The following SHISA6 variants were observed in gnomAD, a reference collection of about 807,000 sequenced individuals.
SHISA6 encodes the protein shisa family member 6.
A neutral mutation model predicts 47.9 loss-of-function variants in SHISA6; 22 were observed. The observed-to-expected ratio is 0.46, with a 90% CI of 0.33 to 0.66. The LOEUF (loss-of-function observed/expected upper bound fraction) is 0.66. Among genes scored for constraint, SHISA6 ranks in the 30% least tolerant of loss-of-function variants. SHISA6 has a pLI of 0.02. For synonymous variants in SHISA6, 388 were observed against 337.8 expected, an observed-to-expected ratio of 1.15 and a Z score of -1.63; for missense variants, 680 against 764.6, an observed-to-expected ratio of 0.89 and a Z score of 1.30.
At chr17:11,359,510 G>T (rs991811951) in intron 2 of SHISA6, among the ~76,000 whole-genome samples, 4 of 152,064 alleles carry the variant, frequency 2.6e-5, no homozygotes, top group Admixed American at 1.3e-4. Flanking sequence ...TCTTCTCTCT[G>T]GACCAGGTTT....
intron 3 of SHISA6, among the ~76,000 whole-genome samples, chr17:11,405,111 C>T (rs113165293): frequency 5.9e-5 from 9 of 152,288 alleles, no homozygotes; most frequent in African/African-American, 1.7e-4. Context: ...AGGCCCTATC[C>T]AAGACTTCCT....
intron 3 of SHISA6, among the ~76,000 whole-genome samples, chr17:11,392,145 C>T (rs1479203381): frequency 6.6e-6 from 1 of 152,182 alleles, no homozygotes; most frequent in East Asian, 1.9e-4. Context: ...CTCTTGTTCT[C>T]TTCATCTGCT....
chr17:11,553,199 G>A (rs2071946050), intron 4 of SHISA6, among the ~76,000 whole-genome samples: 1 of 152,204 alleles, frequency 6.6e-6, no homozygotes, highest in Admixed American at 6.5e-5. Flanking sequence ...GAAGGTTAGA[G>A]CTGAAGATGT....
Position 11,334,479 on chromosome 17 carries a change from A to G in SHISA6, c.800-44935A>G, listed in dbSNP as rs192707854. ...TCATGAACTTGGGCATGCAGGGAGCAGGGCCCCTAACAGGATACTGGTGGC... is the reference window on the plus strand; with the variant it reads ...TCATGAACTTGGGCATGCAGGGAGCGGGGCCCCTAACAGGATACTGGTGGC... On this transcript the variant is annotated intron_variant, in intron 2 of 5. Transcript: ENST00000441885. 2.0e-5 allele frequency among the ~76,000 whole-genome samples: 3 copies of G among 152,292 alleles called. No individual in the cohort carries two copies. The East Asian group carries it at 5.8e-4, about 29-fold the overall frequency.
intron 1 of SHISA6, among the ~76,000 whole-genome samples, chr17:11,255,320 G>GA (rs1358499466): frequency 6.6e-6 from 1 of 151,956 alleles, no homozygotes; most frequent in Non-Finnish European, 1.5e-5. Flanking sequence ...AGAAGGAAGA[G>GA]AAAAATGAAG....
At chr17:11,388,409 C>T (rs886204368) in intron 3 of SHISA6, among the ~76,000 whole-genome samples, 1 of 152,180 alleles carries the variant, frequency 6.6e-6, no homozygotes, top group Non-Finnish European at 1.5e-5. Flanking sequence ...CAGAGAGGAA[C>T]TCTCGGGTTC....
At chr17:11,529,441 A>G (rs1320729066) in intron 3 of SHISA6, among the ~76,000 whole-genome samples, 3 of 152,180 alleles carry the variant, frequency 2.0e-5, no homozygotes, top group Non-Finnish European at 4.4e-5. Flanking sequence ...ACCAATATGT[A>G]TTATTTTATA....
Position 11,241,374 on chromosome 17 carries a change from G to A in SHISA6, c.-49G>A. On this transcript the variant is annotated 5_prime_UTR_variant, in exon 1 of 6. Transcript: ENST00000441885. The surrounding 1 kb of genome is among the most constrained non-coding windows in gnomAD (Gnocchi z 5.5). The stretch of plus-strand genomic sequence containing the variant: ...GTCCTCCGAGCCCGGCCCGCCGGGG[G>A]AGCGGCCTGCCGCGGAAGCCTCCCC... 1 of 1,027,168 alleles carries A rather than the reference G, an allele frequency of 9.7e-7. No individual in the cohort carries two copies. 63.6% of individuals were successfully genotyped at this position (1,027,168 alleles called of 1,614,324 possible).
Position 11,341,760 on chromosome 17 carries a change from G to A in SHISA6, c.800-37654G>A, listed in dbSNP as rs569938613. ...GCAGGGTGCTCTTGCCCACCACCCT[G>A]CCAACACCAAGCTCATTTTTCTCCT... On this transcript the variant is annotated intron_variant, in intron 2 of 5. Transcript: ENST00000441885. Among the ~76,000 whole-genome samples the A allele has an allele frequency of 8.5e-5, 13 of 152,200 alleles. No homozygotes were observed. The East Asian group carries it at 2.3e-3, about 27-fold the overall frequency.
chr17:11,326,659 G>A (rs144233939), intron 2 of SHISA6, among the ~76,000 whole-genome samples: 3 of 152,338 alleles, frequency 2.0e-5, no homozygotes, highest in Non-Finnish European at 4.4e-5. Flanking sequence ...GTGCTCAGAG[G>A]ACATTTCAGC....
At chr17:11,259,467 A>T (rs960250071) in intron 1 of SHISA6, among the ~76,000 whole-genome samples, 1 of 152,220 alleles carries the variant, frequency 6.6e-6, no homozygotes, top group African/African-American at 2.4e-5. Context: ...AGCAGACAAG[A>T]CTGTGAGGCA....
chr17:11,551,277 G>A (rs917199041), intron 3 of SHISA6, among the ~76,000 whole-genome samples: 1 of 152,102 alleles, frequency 6.6e-6, no homozygotes, highest in Non-Finnish European at 1.5e-5. Context: ...CCATCTAAGT[G>A]GAATATTATT....
At chr17:11,505,691 T>G (rs1377428842) in intron 3 of SHISA6, among the ~76,000 whole-genome samples, 1 of 152,226 alleles carries the variant, frequency 6.6e-6, no homozygotes, top group African/African-American at 2.4e-5. Context: ...CATGGCTATC[T>G]CACTTTTATA....
chr17:11,512,726 C>T (rs1022562286), intron 3 of SHISA6, among the ~76,000 whole-genome samples: 1 of 152,088 alleles, frequency 6.6e-6, no homozygotes, highest in African/African-American at 2.4e-5. Context: ...AGATTATGTA[C>T]ATCCAAACAA....
intron 3 of SHISA6, among the ~76,000 whole-genome samples, chr17:11,524,700 T>C (rs1023307739): frequency 6.6e-6 from 1 of 152,168 alleles, no homozygotes; most frequent in Non-Finnish European, 1.5e-5. Flanking sequence ...GGTTTCGCCA[T>C]GTTGGCCAGG....
At chr17:11,465,800 T>A (rs1915796445) in intron 3 of SHISA6, among the ~76,000 whole-genome samples, 2 of 152,178 alleles carry the variant, frequency 1.3e-5, no homozygotes, top group South Asian at 4.1e-4. Flanking sequence ...GACACATGGT[T>A]TGCACAACTG....
intron 2 of SHISA6, chr17:11,290,715 A>C (rs1290944945): frequency 1.9e-4 from 29 of 151,950 alleles, no homozygotes; most frequent in Admixed American, 1.8e-3. Context: ...GGAATGTGTT[A>C]ATTTCTTCCA....
At chr17:11,287,430 A>G (rs62062054) in intron 2 of SHISA6, among the ~76,000 whole-genome samples, 30,333 of 151,684 alleles carry the variant, frequency 0.2, 3,504 homozygotes, top group Non-Finnish European at 0.27. Flanking sequence ...TCATGCCTGT[A>G]ATCTCAGCAC....
chr17:11,553,279 G>T (rs1414855636), intron 4 of SHISA6, among the ~76,000 whole-genome samples: 1 of 152,210 alleles, frequency 6.6e-6, no homozygotes, highest in Non-Finnish European at 1.5e-5. Context: ...GAGAAGTGCA[G>T]AAGGCAGAGG....
Sources: allele counts gnomAD v4.1 joint callset (sites outside exome capture counted in the v4.1 genomes callset), GRCh38; gene constraint gnomAD v4.1.1; non-coding constraint Gnocchi (gnomAD v3.1); transcripts MANE v1.5; gene names NCBI Gene and HGNC (gene_info 2026-07-23, HGNC 2026-07-21).